ATP2B2: variants seen among roughly 807,000 people sequenced by gnomAD.
ATP2B2 encodes ATPase plasma membrane Ca2+ transporting 2.
A neutral mutation model predicts 120.0 loss-of-function variants in ATP2B2; 15 were observed. That is an observed-to-expected ratio of 0.12 (90% confidence interval 0.08 to 0.19). The LOEUF is 0.19. Among genes scored for constraint, ATP2B2 ranks in the 10% least tolerant of loss-of-function variants. The pLI is 1.00. For synonymous variants in ATP2B2, 694 were observed against 700.3 expected (o/e 0.99, Z 0.14); for missense variants, 1,045 against 1,719.8 (o/e 0.61, Z 6.94).
In ATP2B2 at chr3:10,530,611, T is replaced by C. The variant is rs568356703; in HGVS notation, c.-320+3428A>G. On this transcript the variant is annotated intron_variant, in intron 3 of 21. Transcript: ENST00000646379. ...GCTCACGTTTTTTTCCTTCGTTCTC[T>C]CGTTGAAGAGAGCAGGATTGCAGGG... Among the ~76,000 whole-genome samples the C allele has an allele frequency of 2.5e-4, 38 of 152,288 alleles. 1 individual carries two copies. Among genetic ancestry groups the C allele is most frequent in the Admixed American group, 1.2e-3 (19 of 15,302 alleles).
intron 12 of ATP2B2, 125 bp downstream of exon 12, chr3:10,371,684 C>T: frequency 1.4e-6 from 2 of 1,444,268 alleles, no homozygotes; most frequent in Non-Finnish European, 1.9e-6. Flanking sequence ...TGCTTACTAT[C>T]TGACCATACC....
At chr3:10,606,930 G>C (rs2069093720) in intron 2 of ATP2B2, among the ~76,000 whole-genome samples, 3 of 70,538 alleles carry the variant, frequency 4.3e-5, no homozygotes, top group East Asian at 7.8e-4. Flanking sequence ...GAGAGAGAGA[G>C]AGAGAGAGGG....
At chr3:10,528,022 C>A (rs950902000) in intron 3 of ATP2B2, among the ~76,000 whole-genome samples, 1 of 152,110 alleles carries the variant, frequency 6.6e-6, no homozygotes, top group Non-Finnish European at 1.5e-5. Context: ...CTTCACAGTG[C>A]GGTAATCGGC....
intron 2 of ATP2B2, among the ~76,000 whole-genome samples, chr3:10,606,912 CAG>C (rs1185602877): frequency 0.032 from 1,965 of 62,284 alleles, 33 homozygotes; most frequent in East Asian, 0.065. Context: ...CACACACACA[CAG>C]AGAGAGAGAG....
chr3:10,694,309 A>G (rs926594037), intron 1 of ATP2B2, among the ~76,000 whole-genome samples: 1 of 152,172 alleles, frequency 6.6e-6, no homozygotes, highest in Non-Finnish European at 1.5e-5. Flanking sequence ...CTACCCCTTT[A>G]CAGCCGAATG....
rs185463788 is a variant in ATP2B2 at position 10,367,217 on chromosome 3, A to G, written c.1659+4592T>C. Among the ~76,000 whole-genome samples, 275 of 152,158 alleles carry G rather than the reference A, an allele frequency of 1.8e-3. 2 individuals are homozygous for G. The highest frequency in any genetic ancestry group is 6.0e-3 in the African/African-American group (248 of 41,516). On this transcript the variant is annotated intron_variant, in intron 12 of 22. Coordinates refer to ENST00000360273, the MANE Select transcript of ATP2B2 (RefSeq NM_001001331.4). The stretch of plus-strand genomic sequence containing the variant: ...TCACCATGTTTCCTAAGTGAGCTAC[A>G]CATCTTAAGATCTCTGGGCCTTTGC...
intron 2 of ATP2B2, among the ~76,000 whole-genome samples, chr3:10,571,486 G>A (rs1246571764): frequency 6.6e-6 from 1 of 152,236 alleles, no homozygotes; most frequent in Non-Finnish European, 1.5e-5. Context: ...GCAGAAGCCT[G>A]GGCCGTTTCC....
intron 1 of ATP2B2, among the ~76,000 whole-genome samples, chr3:10,693,824 G>C (rs903993396): frequency 5.3e-5 from 8 of 152,172 alleles, no homozygotes; most frequent in African/African-American, 1.9e-4. Context: ...ATGATTATTA[G>C]GTGAACAAAT....
chr3:10,378,172 C>T lies in ATP2B2; in HGVS notation c.1201+80G>A, dbSNP rs56113011. 55 of 1,544,068 alleles carry T rather than the reference C, an allele frequency of 3.6e-5. No individual in the cohort carries two copies. The African/African-American group carries it at 6.6e-4, about 18-fold the overall frequency. On this transcript the variant is annotated intron_variant, in intron 10 of 22. Transcript: ENST00000360273. ...GCCCCCCACTTTGCAGATGAGGTAACTGAGGCCGAGCATGGGGCAGGGCTC... is the reference window on the plus strand; with the variant it reads ...GCCCCCCACTTTGCAGATGAGGTAATTGAGGCCGAGCATGGGGCAGGGCTC...
At chr3:10,582,714 C>A (rs1456920398) in intron 2 of ATP2B2, among the ~76,000 whole-genome samples, 1 of 152,094 alleles carries the variant, frequency 6.6e-6, no homozygotes, top group East Asian at 1.9e-4. Context: ...GTGTAGAGTC[C>A]CAGAGGGGGC....
At chr3:10,403,164 T>C (rs2062285810) in intron 3 of ATP2B2, among the ~76,000 whole-genome samples, 1 of 152,136 alleles carries the variant, frequency 6.6e-6, no homozygotes, top group African/African-American at 2.4e-5. Flanking sequence ...GAGACCACCT[T>C]CCAGGACTCA....
intron 1 of ATP2B2, among the ~76,000 whole-genome samples, chr3:10,696,268 GA>G (rs2071740415): frequency 6.6e-6 from 1 of 152,220 alleles, no homozygotes; most frequent in African/African-American, 2.4e-5. Flanking sequence ...GGATTTCATA[GA>G]CATGTTCTCC....
chr3:10,661,249 G>T (rs1186281560), intron 1 of ATP2B2, among the ~76,000 whole-genome samples: 2 of 151,934 alleles, frequency 1.3e-5, no homozygotes, highest in Non-Finnish European at 2.9e-5. Flanking sequence ...TCTGGCGAGG[G>T]CAATCAGGCA....
chr3:10,433,137 T>C (rs915736836), intron 2 of ATP2B2, among the ~76,000 whole-genome samples: 1 of 152,206 alleles, frequency 6.6e-6, no homozygotes, highest in Non-Finnish European at 1.5e-5. Flanking sequence ...CTCTCTCAAG[T>C]GGACGGGAAA....
intron 1 of ATP2B2, among the ~76,000 whole-genome samples, chr3:10,683,019 G>A (rs1044147991): frequency 2.0e-5 from 3 of 152,114 alleles, no homozygotes; most frequent in Non-Finnish European, 4.4e-5. Flanking sequence ...GACATAAAAC[G>A]AATGTGGATA....
intron 1 of ATP2B2, among the ~76,000 whole-genome samples, chr3:10,662,123 G>A (rs2070798421): frequency 1.3e-5 from 2 of 152,110 alleles, no homozygotes; most frequent in African/African-American, 2.4e-5. Context: ...AGACTTAAAT[G>A]TTAGACCTAA....
At chr3:10,604,073 C>T (rs1398467707) in intron 2 of ATP2B2, among the ~76,000 whole-genome samples, 1 of 152,156 alleles carries the variant, frequency 6.6e-6, no homozygotes, top group Non-Finnish European at 1.5e-5. Flanking sequence ...TTTTCTCCTC[C>T]CAGATGCCCC....
rs770333626 is a variant in ATP2B2, at chr3:10,346,130, G to A, written c.2412C>T (p.Ile804=). The part of the protein sequence containing the change: ...TDKHTLVKGI[I]DSTHTEQRQV... ...GCCGCTGCTCAGTGTGTGTGCTGTC[G>A]ATGATGCCTGTTGGGGCAGGAGTGT... The change falls in exon 17 of 23, where the codon ATC becomes ATT. Residue 804 remains isoleucine, a synonymous_variant. Transcript: ENST00000360273. This position sits in a 1 kb window ranked among gnomAD's most constrained non-coding sequence, Gnocchi z 4.1. 36 of 1,610,542 alleles carry A rather than the reference G, an allele frequency of 2.2e-5. 1 individual carries two copies. The highest frequency in any genetic ancestry group is 1.8e-4 in the Admixed American group (11 of 60,004).
At chr3:10,615,324 T>C (rs2069356132) in intron 2 of ATP2B2, among the ~76,000 whole-genome samples, 1 of 152,086 alleles carries the variant, frequency 6.6e-6, no homozygotes, top group Non-Finnish European at 1.5e-5. Context: ...AGGCAAGACA[T>C]GGTGGTGACC....
Sources: allele counts gnomAD v4.1 joint callset (sites outside exome capture counted in the v4.1 genomes callset), GRCh38; gene constraint gnomAD v4.1.1; non-coding constraint Gnocchi (gnomAD v3.1); transcripts MANE v1.5; gene names NCBI Gene and HGNC (gene_info 2026-07-23, HGNC 2026-07-21).